Variants in ATRN observed in about 807,000 individuals in gnomAD.
ATRN encodes attractin.
A neutral mutation model predicts 178.7 loss-of-function variants in ATRN; 54 were observed. That is an observed-to-expected ratio of 0.30 (90% CI 0.24 to 0.38). ATRN has a LOEUF of 0.38. ATRN is among the 10% of genes least tolerant of loss of function. ATRN has a pLI of 1.00. For synonymous variants in ATRN, 636 were observed against 663.0 expected, an observed-to-expected ratio of 0.96 and a Z score of 0.63; for missense variants, 1,443 against 1,815.1, an observed-to-expected ratio of 0.79 and a Z score of 3.73.
chr20:3,602,116 G>A (rs2086618144), intron 23 of ATRN, among the ~76,000 whole-genome samples: 1 of 151,964 alleles, frequency 6.6e-6, no homozygotes, highest in African/African-American at 2.4e-5. Flanking sequence ...ATCACCTGAG[G>A]TCAAGAGTTT....
intron 15 of ATRN, among the ~76,000 whole-genome samples, chr20:3,580,928 A>G (rs542885155): frequency 1.2e-4 from 19 of 152,192 alleles, no homozygotes; most frequent in African/African-American, 4.3e-4. Context: ...TTTAGTAGGC[A>G]TGTGTATTTT....
intron 3 of ATRN, among the ~76,000 whole-genome samples, chr20:3,540,598 C>T (rs2085604449): frequency 6.6e-6 from 1 of 152,144 alleles, no homozygotes; most frequent in Non-Finnish European, 1.5e-5. Context: ...TTAAGTTCAC[C>T]TGCTCCTTGT....
chr20:3,533,540 G>A (rs986638546), intron 1 of ATRN, among the ~76,000 whole-genome samples: 1 of 152,164 alleles, frequency 6.6e-6, no homozygotes, highest in Non-Finnish European at 1.5e-5. Flanking sequence ...CCTCCTTCCT[G>A]CTGGGTAGAA....
At chr20:3,512,101 A>ATT (rs1409889165) in intron 1 of ATRN, among the ~76,000 whole-genome samples, 6 of 119,274 alleles carry the variant, frequency 5.0e-5, no homozygotes, top group African/African-American at 2.4e-4. Context: ...ATATATATAT[A>ATT]TATATATTTT....
chr20:3,580,106 T>C (rs1600126363), intron 15 of ATRN, among the ~76,000 whole-genome samples: 1 of 152,224 alleles, frequency 6.6e-6, no homozygotes, highest in Non-Finnish European at 1.5e-5. Context: ...CATTGGTGAC[T>C]GTCTCTGTTG....
intron 26 of ATRN, among the ~76,000 whole-genome samples, chr20:3,637,632 G>A (rs540425787): frequency 6.6e-6 from 1 of 152,286 alleles, no homozygotes; most frequent in Non-Finnish European, 1.5e-5. Context: ...TGCCCAGAAA[G>A]ATCTCTAATA....
chr20:3,483,684 G>A (rs967465509), intron 1 of ATRN, among the ~76,000 whole-genome samples: 13 of 152,046 alleles, frequency 8.6e-5, no homozygotes, highest in African/African-American at 2.9e-4. Flanking sequence ...TTGCATACAT[G>A]TGTGATTTTT....
intron 24 of ATRN, among the ~76,000 whole-genome samples, chr20:3,609,710 ATGTATGTGTGTG>A (rs1335646714): frequency 2.6e-5 from 3 of 117,198 alleles, no homozygotes; most frequent in African/African-American, 1.1e-4. Flanking sequence ...TGTGGTATGT[ATGTATGTGTGTG>A]TGTGTGTGTG....
rs1329557708 is a variant in ATRN at position 3,646,743 on chromosome 20, C to G, written c.4186C>G (p.Leu1396Val). 6.2e-7 allele frequency: 1 copy of G among 1,604,638 alleles called. No individual in the cohort carries two copies. The highest frequency in any genetic ancestry group is 8.5e-7 in the Non-Finnish European group (1 of 1,175,366). Reference sequence around the variant, plus strand: ...CCAAGGTCTTGCTGTGGCCAGCGCCCTGGTGGACATTTCTCAGCAGATGCC... The same window carrying G: ...CCAAGGTCTTGCTGTGGCCAGCGCCGTGGTGGACATTTCTCAGCAGATGCC... ...GQSGLAVASALVDISQQMPIV... is the reference protein window; with the variant it reads ...GQSGLAVASAVVDISQQMPIV... The change falls in exon 29 of 29, where the codon CTG becomes GTG. Residue 1396 changes from leucine (L) to valine (V), a missense_variant. Physicochemically the swap from Leu to Val is conservative, Grantham distance 32. Around this residue, in one of 4 missense-constraint regions of ATRN, gnomAD observed 289 missense variants for 440.8 expected, o/e 0.66. Coordinates refer to ENST00000262919, the MANE Select transcript of ATRN (RefSeq NM_139321.3).
chr20:3,512,107 A>ATATATATATATATATATATATATTTT, intron 1 of ATRN, among the ~76,000 whole-genome samples: 1 of 106,400 alleles, frequency 9.4e-6, no homozygotes, highest in Admixed American at 9.7e-5. Context: ...ATATATATAT[A>ATATATATATATATATATATATATTTT]TTTTTTTTTT....
chr20:3,554,569 C>T (rs938067311), intron 6 of ATRN, among the ~76,000 whole-genome samples: 3 of 151,886 alleles, frequency 2.0e-5, no homozygotes, highest in Non-Finnish European at 2.9e-5. Flanking sequence ...CTCCTGACCT[C>T]GTGATCTGCC....
chr20:3,626,781 C>CTT (rs33999405), intron 25 of ATRN, among the ~76,000 whole-genome samples: 43,723 of 117,834 alleles, frequency 0.37, 9,355 homozygotes, highest in African/African-American at 0.6. Context: ...TGAATTATTT[C>CTT]TTTTTTTTTT....
intron 25 of ATRN, among the ~76,000 whole-genome samples, chr20:3,629,706 C>G (rs560606975): frequency 2.0e-5 from 3 of 152,190 alleles, no homozygotes; most frequent in African/African-American, 7.2e-5. Context: ...TGACTGCTCA[C>G]TCCAAGATTT....
chr20:3,487,259 C>T (rs960484487), intron 1 of ATRN, among the ~76,000 whole-genome samples: 3 of 151,524 alleles, frequency 2.0e-5, no homozygotes, highest in African/African-American at 4.9e-5. Context: ...TTTTTGAGAC[C>T]GAGTCTTCTT....
chr20:3,597,071 T>TATATATATATATATATATAAATAA (rs11087589), intron 21 of ATRN, among the ~76,000 whole-genome samples: 2 of 134,036 alleles, frequency 1.5e-5, no homozygotes, highest in Admixed American at 7.6e-5. Flanking sequence ...TATATATATA[T>TATATATATATATATATATAAATAA]ATAAAACTTC....
At chr20:3,646,527 G>C (rs1197955352) in intron 28 of ATRN, among the ~76,000 whole-genome samples, 196 bp from the exon 29 acceptor site, 1 of 152,182 alleles carries the variant, frequency 6.6e-6, no homozygotes, top group African/African-American at 2.4e-5. Context: ...CAGATGGAGG[G>C]GAAGGCGGAG....
chr20:3,575,962 T>C lies in ATRN; in HGVS notation c.2214+14T>C. On this transcript the variant is annotated intron_variant, in intron 13 of 28. Transcript: ENST00000262919. ...TCAGAAGGCCAGGTCAGAGGCTGTT[T>C]CTTAAAGATTTCAGAAAAATCCCAA... is the stretch of plus-strand genomic sequence containing the variant. 2 of 1,611,118 alleles carry C rather than the reference T, an allele frequency of 1.2e-6. No homozygotes were observed. Among genetic ancestry groups the C allele is most frequent in the Non-Finnish European group, 1.7e-6 (2 of 1,179,010 alleles).
At chr20:3,594,182 A>C (rs1345756925) in intron 19 of ATRN, among the ~76,000 whole-genome samples, 2 of 152,258 alleles carry the variant, frequency 1.3e-5, no homozygotes, top group African/African-American at 4.8e-5. Context: ...AATGAATCAA[A>C]GAATCATAGC....
chr20:3,628,820 A>G (rs966200119), intron 25 of ATRN: 2 of 903,968 alleles, frequency 2.2e-6, no homozygotes, highest in Non-Finnish European at 2.6e-6. Flanking sequence ...TCTCTGACCC[A>G]TGCTGCCCTA....
Sources: gnomAD v4.1 joint callset for allele counts (sites outside exome capture counted in the v4.1 genomes callset) on GRCh38, gnomAD v4.1.1 for gene constraint, gnomAD v4.1.1 regional missense constraint, MANE v1.5 for transcripts, NCBI Gene and HGNC (gene_info 2026-07-23, HGNC 2026-07-21) for gene names.